Variants in GAB1 observed in about 807,000 individuals in gnomAD.
The protein encoded by GAB1 is GRB2 associated binding protein 1, also known as GRB2-associated-binding protein 1.
In GAB1, 19 loss-of-function variants were observed where a neutral mutation model predicts 66.5. That is an observed-to-expected ratio of 0.29 (90% CI 0.20 to 0.42). The LOEUF (loss-of-function observed/expected upper bound fraction) is 0.42, where lower values mean the gene tolerates loss of function less well. Ranked by LOEUF, GAB1 falls within the 10% of genes least tolerant of loss-of-function variation. The probability of loss-of-function intolerance (pLI) is 1.00; values close to 1 mark genes in which losing one functional copy is unlikely to be tolerated. For missense variants in GAB1, 732 were observed against 858.5 expected (o/e 0.85, Z 1.84); for synonymous variants, 294 against 301.4 (o/e 0.98, Z 0.25).
At chr4:143,353,543 A>G (rs1419981489) in intron 1 of GAB1, among the ~76,000 whole-genome samples, 1 of 152,148 alleles carries the variant, frequency 6.6e-6, no homozygotes, top group Non-Finnish European at 1.5e-5. Flanking sequence ...GGAATAAAGT[A>G]CTTGATTTCC....
intron 1 of GAB1, among the ~76,000 whole-genome samples, chr4:143,345,081 A>G (rs116532107): frequency 6.2e-4 from 95 of 152,342 alleles, no homozygotes; most frequent in African/African-American, 2.3e-3. Flanking sequence ...ACTATATGCA[A>G]ACTGCACGTG....
intron 1 of GAB1, among the ~76,000 whole-genome samples, chr4:143,370,318 G>A (rs1393035793): frequency 3.3e-5 from 5 of 152,148 alleles, no homozygotes; most frequent in Non-Finnish European, 7.3e-5. Flanking sequence ...AACATACAGG[G>A]ACACAGCCAG....
chr4:143,405,014 A>T (rs1560746156), intron 1 of GAB1, among the ~76,000 whole-genome samples: 1 of 152,210 alleles, frequency 6.6e-6, no homozygotes, highest in Non-Finnish European at 1.5e-5. Flanking sequence ...TTAATTTGAG[A>T]GATAACATGA....
intron 1 of GAB1, among the ~76,000 whole-genome samples, chr4:143,402,244 A>G (rs950854872): frequency 3.1e-4 from 47 of 152,344 alleles, no homozygotes; most frequent in African/African-American, 1.1e-3. Context: ...TAATCTTAGT[A>G]TAACTGCCCT....
At chr4:143,380,662 C>A (rs973635435) in intron 1 of GAB1, 1 of 152,174 alleles carries the variant, frequency 6.6e-6, no homozygotes, top group African/African-American at 2.4e-5. Flanking sequence ...CTCAAGTGAT[C>A]CTCTTTCCTT....
intron 1 of GAB1, among the ~76,000 whole-genome samples, chr4:143,366,532 T>C (rs1470855182): frequency 1.3e-5 from 2 of 152,162 alleles, no homozygotes; most frequent in African/African-American, 4.8e-5. Context: ...TTTGTGTTTT[T>C]TCTAAATGTA....
At chr4:143,444,984 G>A (rs1004350805) in intron 6 of GAB1, among the ~76,000 whole-genome samples, 1 of 152,140 alleles carries the variant, frequency 6.6e-6, no homozygotes, top group South Asian at 2.1e-4. Flanking sequence ...TCTTGATCCA[G>A]TCCACTGTTG....
chr4:143,373,868 A>AATAAATAAATAAATATAT lies in GAB1; in HGVS notation c.72+36611_72+36612insAATAAATAAATATATATA. Among the ~76,000 whole-genome samples, 762 of 93,664 alleles carry AATAAATAAATAAATATAT rather than the reference A, an allele frequency of 8.1e-3. 32 individuals carry two copies. The highest frequency in any genetic ancestry group is 0.012 in the Non-Finnish European group (544 of 47,304). 61.4% of individuals were successfully genotyped at this position (93,664 alleles called of 152,430 possible). On this transcript the variant is annotated intron_variant, in intron 1 of 9. Coordinates refer to ENST00000262994, the MANE Select transcript of GAB1 (RefSeq NM_002039.4). ...CTCTCTCTCTCTCTGTAAATAAATA[A>AATAAATAAATAAATATAT]ATATATATATATATATATTTTTACC... is the stretch of plus-strand genomic sequence containing the variant.
In GAB1 at chr4:143,453,263, C is replaced by T. The variant is rs906908998; in HGVS notation, c.1586-6122C>T. On this transcript the variant is annotated intron_variant, in intron 6 of 9. Transcript: ENST00000262994. ...AGCTTTGCACAGAGTAGAAAATACACGTAAATTTTATAAATGTATTTTTAA... is the reference window on the plus strand; with the variant it reads ...AGCTTTGCACAGAGTAGAAAATACATGTAAATTTTATAAATGTATTTTTAA... Among the ~76,000 whole-genome samples, 8 of 152,038 alleles carry T rather than the reference C, an allele frequency of 5.3e-5. No individual in the cohort carries two copies. In the East Asian group the frequency reaches 5.8e-4, roughly 11 times the overall value.
intron 1 of GAB1, chr4:143,394,758 C>G (rs1400772147): frequency 6.6e-6 from 1 of 152,038 alleles, no homozygotes; most frequent in East Asian, 1.9e-4. Flanking sequence ...GGTTAAAAAA[C>G]AGGAAAAAAA....
chr4:143,366,562 T>G (rs1174150514), intron 1 of GAB1, among the ~76,000 whole-genome samples: 1 of 152,150 alleles, frequency 6.6e-6, no homozygotes, highest in Non-Finnish European at 1.5e-5. Flanking sequence ...TTTTCAAAGT[T>G]TCTATATTAG....
At chr4:143,387,866 C>A (rs1730991780) in intron 1 of GAB1, among the ~76,000 whole-genome samples, 1 of 152,182 alleles carries the variant, frequency 6.6e-6, no homozygotes, top group African/African-American at 2.4e-5. Context: ...CACAGTCTTA[C>A]ACACACCCTA....
At chr4:143,435,185 A>G (rs765175216) in intron 3 of GAB1, among the ~76,000 whole-genome samples, 1 of 152,214 alleles carries the variant, frequency 6.6e-6, no homozygotes, top group Non-Finnish European at 1.5e-5. Context: ...TTCACGAAAT[A>G]GTTTCTGTGA....
intron 1 of GAB1, among the ~76,000 whole-genome samples, chr4:143,413,823 C>CCTTTTTTTTTTTTT: frequency 9.0e-6 from 1 of 111,080 alleles, no homozygotes; most frequent in African/African-American, 5.9e-5. Context: ...ACCCCGCTGC[C>CCTTTTTTTTTTTTT]CTTTTTTTTT....
intron 2 of GAB1, among the ~76,000 whole-genome samples, chr4:143,421,698 C>CTTTTTTTTTTTTTTTTTT (rs70953733): frequency 1.4e-3 from 169 of 118,662 alleles, no homozygotes; most frequent in Non-Finnish European, 2.3e-3. Context: ...CTTTTCTTTT[C>CTTTTTTTTTTTTTTTTTT]TTTTTTTTTT....
intron 2 of GAB1, among the ~76,000 whole-genome samples, chr4:143,421,881 C>T (rs944477720): frequency 1.8e-4 from 28 of 151,794 alleles, no homozygotes; most frequent in African/African-American, 6.8e-4. Flanking sequence ...AATTTAAAGT[C>T]TCCAAGAATA....
chr4:143,356,513 C>A (rs1480896473), intron 1 of GAB1, among the ~76,000 whole-genome samples: 2 of 152,132 alleles, frequency 1.3e-5, no homozygotes, highest in African/African-American at 4.8e-5. Flanking sequence ...ACTTGAATAT[C>A]AAAATGAAAC....
At chr4:143,363,697 C>G (rs1729754760) in intron 1 of GAB1, among the ~76,000 whole-genome samples, 1 of 152,124 alleles carries the variant, frequency 6.6e-6, no homozygotes, top group Admixed American at 6.5e-5. Context: ...GGTGATAGAA[C>G]CCCTGCACTG....
chr4:143,369,888 C>A (rs900773086), intron 1 of GAB1, among the ~76,000 whole-genome samples: 1 of 152,216 alleles, frequency 6.6e-6, no homozygotes, highest in East Asian at 1.9e-4. Flanking sequence ...AGCAAAAGGC[C>A]TAGTGTTATT....
Sources: gnomAD v4.1 joint callset for allele counts (sites outside exome capture counted in the v4.1 genomes callset) on GRCh38, gnomAD v4.1.1 for gene constraint, MANE v1.5 for transcripts, NCBI Gene and HGNC (gene_info 2026-07-23, HGNC 2026-07-21) for gene names.